CACNA2D3: variants seen among roughly 807,000 people sequenced by gnomAD.
CACNA2D3 encodes the protein voltage-dependent calcium channel subunit alpha-2/delta-3.
In CACNA2D3, 60 loss-of-function variants were observed where a neutral mutation model predicts 160.6. The observed-to-expected ratio is 0.37, with a 90% CI of 0.30 to 0.46. CACNA2D3 has a LOEUF of 0.46. Among genes scored for constraint, CACNA2D3 ranks in the 20% least tolerant of loss-of-function variants. The pLI, the probability that CACNA2D3 is intolerant of heterozygous loss-of-function variation, is 1.00. For missense variants in CACNA2D3, 1,205 were observed against 1,365.0 expected (o/e 0.88, Z 1.85); for synonymous variants, 558 against 492.9 (o/e 1.13, Z -1.75).
chr3:54,981,907 A>T (rs1432970580), intron 29 of CACNA2D3, among the ~76,000 whole-genome samples: 2 of 152,192 alleles, frequency 1.3e-5, no homozygotes, highest in African/African-American at 4.8e-5. Context: ...AGAAAAGATA[A>T]GAAAGGTAAA....
At chr3:55,000,139 A>G (rs976077617) in intron 31 of CACNA2D3, among the ~76,000 whole-genome samples, 4 of 152,204 alleles carry the variant, frequency 2.6e-5, no homozygotes, top group Non-Finnish European at 5.9e-5. Flanking sequence ...TGGGCTGGGC[A>G]TGATTCTCAG....
chr3:54,670,475 A>T (rs1700139616), intron 11 of CACNA2D3, among the ~76,000 whole-genome samples: 1 of 152,158 alleles, frequency 6.6e-6, no homozygotes, highest in South Asian at 2.1e-4. Context: ...GGCGCAAATA[A>T]TGGAGCAAAA....
intron 2 of CACNA2D3, among the ~76,000 whole-genome samples, chr3:54,168,620 A>G (rs1700502028): frequency 6.6e-6 from 1 of 152,158 alleles, no homozygotes; most frequent in African/African-American, 2.4e-5. Flanking sequence ...CCGACTTCTC[A>G]GCATTCCTGC....
rs563602137 is a variant in CACNA2D3 at position 54,826,219 on chromosome 3, A to G, written c.1398+9349A>G. On this transcript the variant is annotated intron_variant, in intron 14 of 37. Coordinates refer to ENST00000474759, the MANE Select transcript of CACNA2D3 (RefSeq NM_018398.3). The stretch of plus-strand genomic sequence containing the variant: ...TCACATCCCCAATTAATGGATATAT[A>G]TCCATTACAAACCCAAATGTAGCCC... Among the ~76,000 whole-genome samples the G allele has an allele frequency of 1.6e-4, 25 of 152,180 alleles. No homozygotes were observed. In the South Asian group the frequency reaches 5.2e-3, roughly 32 times the overall value.
chr3:54,446,361 T>G (rs1286100695), intron 4 of CACNA2D3, among the ~76,000 whole-genome samples: 2 of 152,042 alleles, frequency 1.3e-5, no homozygotes, highest in Admixed American at 6.6e-5. Context: ...CACAGATGGG[T>G]CTACTGAAAC....
At chr3:54,741,463 C>G (rs921849034) in intron 11 of CACNA2D3, among the ~76,000 whole-genome samples, 1 of 152,074 alleles carries the variant, frequency 6.6e-6, no homozygotes, top group African/African-American at 2.4e-5. Flanking sequence ...TTACAAAGAT[C>G]AAGTAACTTG....
chr3:54,750,991 C>T (rs988118069), intron 11 of CACNA2D3, among the ~76,000 whole-genome samples: 1 of 151,916 alleles, frequency 6.6e-6, no homozygotes, highest in East Asian at 1.9e-4. Flanking sequence ...AGGATGGTCT[C>T]GATCTCCTGA....
intron 35 of CACNA2D3, among the ~76,000 whole-genome samples, chr3:55,067,286 C>A (rs1051765611): frequency 6.6e-6 from 1 of 152,158 alleles, no homozygotes; most frequent in East Asian, 1.9e-4. Flanking sequence ...GAGCTCTAAT[C>A]GTTCCAGCAC....
At chr3:54,689,653 T>TG (rs1700536982) in intron 11 of CACNA2D3, among the ~76,000 whole-genome samples, 1 of 152,098 alleles carries the variant, frequency 6.6e-6, no homozygotes, top group East Asian at 1.9e-4. Flanking sequence ...TGAAGACTCT[T>TG]TCTCTCTTAA....
intron 14 of CACNA2D3, among the ~76,000 whole-genome samples, chr3:54,829,885 C>CTTTTTTTTTTTTTTTTTTTT (rs58291013): frequency 4.7e-5 from 3 of 64,352 alleles, no homozygotes; most frequent in African/African-American, 1.9e-4. Context: ...TCTTCTTCAT[C>CTTTTTTTTTTTTTTTTTTTT]TTTTTTTTTT....
chr3:55,012,210 T>G (rs376087897), intron 34 of CACNA2D3, among the ~76,000 whole-genome samples: 8 of 152,244 alleles, frequency 5.3e-5, no homozygotes, highest in Middle Eastern at 3.4e-3. Flanking sequence ...AGACATAATA[T>G]GGTTGTGAGA....
At chr3:54,283,425 A>G (rs1012287211) in intron 2 of CACNA2D3, among the ~76,000 whole-genome samples, 1 of 152,192 alleles carries the variant, frequency 6.6e-6, no homozygotes, top group Non-Finnish European at 1.5e-5. Flanking sequence ...GCATATCTGC[A>G]CTCTTTTAGC....
chr3:54,811,068 C>T (rs1703297888), intron 13 of CACNA2D3, among the ~76,000 whole-genome samples: 1 of 152,144 alleles, frequency 6.6e-6, no homozygotes, highest in Non-Finnish European at 1.5e-5. Flanking sequence ...CTACACTCAC[C>T]CCTTCGGTAA....
intron 11 of CACNA2D3, among the ~76,000 whole-genome samples, chr3:54,751,443 CTGTAAGCGTTTTTTG>C (rs1013493103): frequency 4.7e-5 from 7 of 149,868 alleles, no homozygotes; most frequent in Admixed American, 4.6e-4. Flanking sequence ...TTATAATCCA[CTGTAAGCGTTTTTTG>C]TGTTTTTTTT....
intron 2 of CACNA2D3, among the ~76,000 whole-genome samples, chr3:54,132,234 G>A (rs540785066): frequency 1.8e-4 from 27 of 152,310 alleles, no homozygotes; most frequent in South Asian, 6.2e-4. Context: ...TCTTGACTTT[G>A]GCCTAGGTCC....
chr3:54,898,572 C>T (rs1700253764), intron 26 of CACNA2D3, among the ~76,000 whole-genome samples: 1 of 152,150 alleles, frequency 6.6e-6, no homozygotes, highest in South Asian at 2.1e-4. Context: ...AGACAGTGAA[C>T]TTTTTCATTC....
chr3:54,187,293 G>A (rs959443054), intron 2 of CACNA2D3, among the ~76,000 whole-genome samples: 1 of 152,192 alleles, frequency 6.6e-6, no homozygotes, highest in Admixed American at 6.5e-5. Flanking sequence ...ATACTCGGTT[G>A]AATACCACCA....
chr3:54,660,259 C>G (rs923991453), intron 11 of CACNA2D3, among the ~76,000 whole-genome samples: 1 of 151,766 alleles, frequency 6.6e-6, no homozygotes, highest in African/African-American at 2.4e-5. Flanking sequence ...CTCCCAAGTT[C>G]AGGCCATTCT....
chr3:54,859,440 G>A (rs975476779), intron 17 of CACNA2D3, among the ~76,000 whole-genome samples: 1 of 152,192 alleles, frequency 6.6e-6, no homozygotes, highest in Non-Finnish European at 1.5e-5. Context: ...TAGGCAAAGG[G>A]AAACACTAAT....
Sources: allele counts gnomAD v4.1 joint callset (sites outside exome capture counted in the v4.1 genomes callset), GRCh38; gene constraint gnomAD v4.1.1; transcripts MANE v1.5; gene names NCBI Gene and HGNC (gene_info 2026-07-23, HGNC 2026-07-21).